Variants in ITGA9 observed in about 807,000 individuals in gnomAD.
ITGA9 encodes integrin subunit alpha 9.
Under a neutral mutation model 127.8 loss-of-function variants are expected in ITGA9, and 56 were observed. The observed-to-expected ratio is 0.44, with a 90% CI of 0.35 to 0.55. ITGA9 has a LOEUF of 0.55. Ranked by LOEUF, ITGA9 falls within the 20% of genes least tolerant of loss-of-function variation. The pLI is 0.00. For synonymous variants in ITGA9, 508 were observed against 514.5 expected (o/e 0.99, Z 0.17); for missense variants, 1,196 against 1,347.1 (o/e 0.89, Z 1.76).
rs1022769455 is a variant in ITGA9 at position 37,822,647 on chromosome 3, G to A, written c.*3658G>A. The A allele has an allele frequency of 6.6e-6, 1 of 152,208 alleles. No individual in the cohort carries two copies. The highest frequency in any genetic ancestry group is 2.1e-4 in the South Asian group (1 of 4,828). 9.4% of individuals were successfully genotyped at this position (152,208 alleles called of 1,614,324 possible). On this transcript the variant is annotated 3_prime_UTR_variant, in exon 28 of 28. Coordinates refer to ENST00000264741, the MANE Select transcript of ITGA9 (RefSeq NM_002207.3). ...ACTGCCCTTGAGCCAAAGGCAATGA[G>A]GTTTAAAACAAAAACCCAACAGCAC...
At chr3:37,812,909 T>C (rs1697385450) in intron 27 of ITGA9, among the ~76,000 whole-genome samples, 1 of 152,254 alleles carries the variant, frequency 6.6e-6, no homozygotes, top group African/African-American at 2.4e-5. Flanking sequence ...ATTAATCATT[T>C]CCCAGCACCT....
chr3:37,663,823 C>T (rs1419357014), intron 17 of ITGA9, among the ~76,000 whole-genome samples: 1 of 152,188 alleles, frequency 6.6e-6, no homozygotes, highest in Non-Finnish European at 1.5e-5. Context: ...TGCTTAACAT[C>T]TCTGCCTGTT....
intron 15 of ITGA9, among the ~76,000 whole-genome samples, chr3:37,624,870 G>T (rs1700162255): frequency 6.6e-6 from 1 of 152,126 alleles, no homozygotes; most frequent in African/African-American, 2.4e-5. Context: ...GCCTCTTAAG[G>T]TGCTGGGATT....
At position 37,695,410 on chromosome 3, in the gene ITGA9, G is replaced by A. The variant is rs529907436; in HGVS notation, c.2067+11395G>A. Among the ~76,000 whole-genome samples the A allele has an allele frequency of 5.9e-5, 9 of 152,310 alleles. No individual in the cohort carries two copies. The South Asian group carries it at 1.9e-3, about 32-fold the overall frequency. ...TCTTGTTCTGAAGGATATATTACAA[G>A]CATATTGACAAAAGTCTTTGAACTC... is the stretch of plus-strand genomic sequence containing the variant. On this transcript the variant is annotated intron_variant, in intron 18 of 27. Transcript: ENST00000264741.
intron 6 of ITGA9, among the ~76,000 whole-genome samples, chr3:37,504,302 T>C (rs566664240): frequency 6.6e-6 from 1 of 152,290 alleles, no homozygotes; most frequent in Admixed American, 6.5e-5. Context: ...CCTTATGAAG[T>C]AGCTATTATT....
intron 10 of ITGA9, among the ~76,000 whole-genome samples, 174 bp from the exon 11 acceptor site, chr3:37,519,086 C>CTTTTT (rs11457089): frequency 7.1e-6 from 1 of 141,376 alleles, no homozygotes; most frequent in Non-Finnish European, 1.5e-5. Flanking sequence ...CACTGGCCTA[C>CTTTTT]TTTTTTTTTT....
intron 15 of ITGA9, among the ~76,000 whole-genome samples, chr3:37,577,364 A>T (rs1270687596): frequency 6.6e-6 from 1 of 152,258 alleles, no homozygotes; most frequent in Non-Finnish European, 1.5e-5. Flanking sequence ...CATAAAACCC[A>T]AATGATGCTG....
intron 15 of ITGA9, among the ~76,000 whole-genome samples, chr3:37,584,074 A>G (rs1699733704): frequency 6.6e-6 from 1 of 152,170 alleles, no homozygotes; most frequent in South Asian, 2.1e-4. Flanking sequence ...TTGCCACATA[A>G]CAAACTGCCC....
chr3:37,660,160 T>A (rs187172995), intron 17 of ITGA9, among the ~76,000 whole-genome samples: 3 of 152,286 alleles, frequency 2.0e-5, no homozygotes, highest in African/African-American at 7.2e-5. Flanking sequence ...TTGTTTCACA[T>A]TAGTACGAAG....
At chr3:37,642,238 G>A (rs904319567) in intron 16 of ITGA9, among the ~76,000 whole-genome samples, 1 of 152,210 alleles carries the variant, frequency 6.6e-6, no homozygotes, top group Non-Finnish European at 1.5e-5. Flanking sequence ...GAGCCACCGT[G>A]CATGGCCTTA....
chr3:37,547,662 T>C (rs1323147245), intron 15 of ITGA9, among the ~76,000 whole-genome samples: 1 of 152,158 alleles, frequency 6.6e-6, no homozygotes. Context: ...CTTCTTTATC[T>C]GGAAAATAAC....
At chr3:37,652,372 T>C (rs1464373547) in intron 16 of ITGA9, among the ~76,000 whole-genome samples, 1 of 152,158 alleles carries the variant, frequency 6.6e-6, no homozygotes, top group Non-Finnish European at 1.5e-5. Flanking sequence ...AGCAAATATA[T>C]TGAAATCTCC....
In ITGA9 at chr3:37,736,993, G is replaced by A. The variant is rs747811638; in HGVS notation, c.2234+10G>A. 1.7e-5 allele frequency: 26 copies of A among 1,569,856 alleles called. No individual in the cohort carries two copies. The East Asian group carries it at 4.9e-4, about 30-fold the overall frequency. On this transcript the variant is annotated intron_variant, in intron 20 of 27. Transcript: ENST00000264741. ...TTGTTACTGCTCAGAGGTAAGGGGGGGGTTTAAACACTTTTTTCAAAGATG... is the reference window on the plus strand; with the variant it reads ...TTGTTACTGCTCAGAGGTAAGGGGGAGGTTTAAACACTTTTTTCAAAGATG...
At chr3:37,712,824 G>A (rs1186768833) in intron 18 of ITGA9, among the ~76,000 whole-genome samples, 1 of 152,196 alleles carries the variant, frequency 6.6e-6, no homozygotes, top group African/African-American at 2.4e-5. Context: ...AACGGGTTGG[G>A]AGTGAGGTGG....
intron 7 of ITGA9, 125 bp downstream of exon 7, chr3:37,506,210 A>T: frequency 1.3e-6 from 1 of 760,874 alleles, no homozygotes; most frequent in Middle Eastern, 3.5e-4. Context: ...TGGGGAGGTG[A>T]TGAGGAACCC....
At chr3:37,681,948 A>G (rs1700738592) in intron 17 of ITGA9, among the ~76,000 whole-genome samples, 1 of 152,026 alleles carries the variant, frequency 6.6e-6, no homozygotes, top group Non-Finnish European at 1.5e-5. Flanking sequence ...CCTACCACCC[A>G]TCTACTAATG....
Position 37,699,857 on chromosome 3 carries a change from T to C in ITGA9, c.2067+15842T>C, listed in dbSNP as rs145022838. On this transcript the variant is annotated intron_variant, in intron 18 of 27. Transcript: ENST00000264741. Reference sequence around the variant, plus strand: ...TCCCTTAAATAGGCACATAGCCCACTCCCCATTTCCTTCTTGTCTGTGCTT... The same window carrying C: ...TCCCTTAAATAGGCACATAGCCCACCCCCCATTTCCTTCTTGTCTGTGCTT... 3.5e-4 allele frequency among the ~76,000 whole-genome samples: 54 copies of C among 152,302 alleles called. No homozygotes were observed. In the East Asian group the frequency reaches 9.2e-3, roughly 26 times the overall value.
At chr3:37,494,710 C>A in intron 5 of ITGA9, 142 bp downstream of exon 5, 1 of 740,024 alleles carries the variant, frequency 1.4e-6, no homozygotes, top group Non-Finnish European at 2.4e-6. Context: ...GTCCTCACAC[C>A]AGAGGAGGCT....
chr3:37,494,248 T>C (rs2125565253), intron 4 of ITGA9, among the ~76,000 whole-genome samples: 1 of 152,318 alleles, frequency 6.6e-6, no homozygotes. Context: ...ATTGCTCCTC[T>C]TTCTCGCACA....
Sources: gnomAD v4.1 joint callset for allele counts (sites outside exome capture counted in the v4.1 genomes callset) on GRCh38, gnomAD v4.1.1 for gene constraint, MANE v1.5 for transcripts, NCBI Gene and HGNC (gene_info 2026-07-23, HGNC 2026-07-21) for gene names.